The following TIPRL variants were observed in gnomAD, a reference collection of about 807,000 sequenced individuals.
TIPRL encodes TIP41-like protein.
TIPRL carries 10 observed loss-of-function variants against 32.3 expected under a neutral mutation model. The observed-to-expected ratio is 0.31, with a 90% CI of 0.19 to 0.52. The LOEUF (loss-of-function observed/expected upper bound fraction) is 0.52. Among genes scored for constraint, TIPRL ranks in the 20% least tolerant of loss-of-function variants. The pLI, the probability that TIPRL is intolerant of heterozygous loss-of-function variation, is 0.96. For synonymous variants in TIPRL, 100 were observed against 114.0 expected (o/e 0.88, Z 0.78); for missense variants, 250 against 328.1 (o/e 0.76, Z 1.84).
chr1:168,197,984 G>C (rs1700175944), intron 5 of TIPRL, among the ~76,000 whole-genome samples: 1 of 152,108 alleles, frequency 6.6e-6, no homozygotes, highest in Non-Finnish European at 1.5e-5. Context: ...TATAATAGCA[G>C]AAAGGAAGGA....
rs1442983602 is a variant in TIPRL, at chr1:168,201,214, C to G, written c.*1168C>G. The G allele has an allele frequency of 6.6e-6, 1 of 152,008 alleles. No homozygotes were observed. Among genetic ancestry groups the G allele is most frequent in the Non-Finnish European group, 1.5e-5 (1 of 67,966 alleles). The allele number at this position is 152,008 out of a possible 1,614,324, so 9.4% of individuals were successfully genotyped here. On this transcript the variant is annotated 3_prime_UTR_variant, in exon 7 of 7. Coordinates refer to ENST00000367833, the MANE Select transcript of TIPRL (RefSeq NM_152902.5). ...AAAAGCATCAAATAAGAAATTATTTCAAGTGGATTTTTAAAAATATTTTTT... is the reference window on the plus strand; with the variant it reads ...AAAAGCATCAAATAAGAAATTATTTGAAGTGGATTTTTAAAAATATTTTTT...
At chr1:168,198,051 G>A (rs1022432198) in intron 5 of TIPRL, among the ~76,000 whole-genome samples, 15 of 151,824 alleles carry the variant, frequency 9.9e-5, no homozygotes, top group Non-Finnish European at 1.8e-4. Context: ...ATATCCATAT[G>A]GTATAAAATA....
intron 4 of TIPRL, among the ~76,000 whole-genome samples, chr1:168,195,193 C>T (rs1700138754): frequency 6.6e-6 from 1 of 152,136 alleles, no homozygotes; most frequent in Non-Finnish European, 1.5e-5. Context: ...ATTAATGTAG[C>T]CCTGTGCTTA....
At chr1:168,185,462 T>G (rs943106997) in intron 3 of TIPRL, among the ~76,000 whole-genome samples, 1 of 152,168 alleles carries the variant, frequency 6.6e-6, no homozygotes, top group Non-Finnish European at 1.5e-5. Flanking sequence ...AAGTCCTGTG[T>G]GTGTAAGCCC....
At chr1:168,191,343 C>A in intron 3 of TIPRL, 26 bp from the exon 4 acceptor site, 2 of 1,508,566 alleles carry the variant, frequency 1.3e-6, no homozygotes, top group Non-Finnish European at 1.8e-6. Flanking sequence ...TTTTAATGTG[C>A]TCCTCTTTAA....
intron 4 of TIPRL, among the ~76,000 whole-genome samples, chr1:168,192,576 A>G (rs1700111861): frequency 6.6e-6 from 1 of 152,238 alleles, no homozygotes; most frequent in Non-Finnish European, 1.5e-5. Flanking sequence ...ACAGAGTTAA[A>G]TATCTCTTTT....
intron 1 of TIPRL, 89 bp downstream of exon 1, chr1:168,179,270 T>TTCCCTGAGGCGGAGGTTCGG (rs1699930689): frequency 1.5e-5 from 17 of 1,170,290 alleles, no homozygotes; most frequent in Non-Finnish European, 2.1e-5. Flanking sequence ...CCCTCCCCTT[T>TTCCCTGAGGCGGAGGTTCGG]TCCCTGAGGC....
At chr1:168,181,201 T>G (rs1699958127) in intron 1 of TIPRL, among the ~76,000 whole-genome samples, 1 of 151,632 alleles carries the variant, frequency 6.6e-6, no homozygotes, top group African/African-American at 2.4e-5. Context: ...TCTTTTCTTT[T>G]TTTCTTATTC....
intron 1 of TIPRL, 70 bp from the exon 2 acceptor site, chr1:168,183,832 G>A (rs1699995735): frequency 2.7e-6 from 4 of 1,491,716 alleles, no homozygotes; most frequent in Non-Finnish European, 3.7e-6. Context: ...GAATTCTGTT[G>A]GGATGGAAAA....
At chr1:168,196,679 C>T (rs1700156452) in intron 5 of TIPRL, 37 bp downstream of exon 5, 2 of 1,416,102 alleles carry the variant, frequency 1.4e-6, no homozygotes, top group South Asian at 1.3e-5. Context: ...CTAATTGATA[C>T]TGGGCTTGTT....
At chr1:168,189,308 G>T (rs961109074) in intron 3 of TIPRL, among the ~76,000 whole-genome samples, 1 of 152,124 alleles carries the variant, frequency 6.6e-6, no homozygotes, top group East Asian at 1.9e-4. Flanking sequence ...CATCAAGAAG[G>T]TTTGTCTAGA....
At chr1:168,179,280 C>A in intron 1 of TIPRL, 99 bp downstream of exon 1, 1 of 1,043,792 alleles carries the variant, frequency 9.6e-7, no homozygotes, top group Non-Finnish European at 1.4e-6. Context: ...TTCCCTGAGG[C>A]GGAGGTTCGG....
At chr1:168,197,035 C>T (rs35244138) in intron 5 of TIPRL, among the ~76,000 whole-genome samples, 19,355 of 152,136 alleles carry the variant, frequency 0.13, 1,814 homozygotes, top group Admixed American at 0.32. Flanking sequence ...AGGCCAAGGC[C>T]GGGCGCCGTA....
intron 4 of TIPRL, among the ~76,000 whole-genome samples, chr1:168,191,858 CAAAAAAAAAAA>C (rs60988834): frequency 1.3e-4 from 5 of 38,902 alleles, no homozygotes; most frequent in African/African-American, 4.1e-4. Context: ...GGCGACAGAG[CAAAAAAAAAAA>C]AAAAAAAAAA....
intron 2 of TIPRL, 56 bp downstream of exon 2, chr1:168,184,137 GA>G (rs1348706258): frequency 2.7e-6 from 4 of 1,467,514 alleles, no homozygotes; most frequent in Non-Finnish European, 3.7e-6. Flanking sequence ...AAACAAAAGA[GA>G]AAAGACTTGA....
chr1:168,200,707 G>A lies in TIPRL; in HGVS notation c.*661G>A, dbSNP rs1700200243. The A allele has an allele frequency of 5.9e-5, 9 of 152,092 alleles. No homozygotes were observed. The highest frequency in any genetic ancestry group is 5.9e-4 in the Admixed American group (9 of 15,272). The allele number at this position is 152,092 out of a possible 1,614,324, so 9.4% of individuals were successfully genotyped here. A position where few individuals can be genotyped will look rare whatever the true frequency, so the allele number is the denominator to read the frequency against. Reference sequence around the variant, plus strand: ...AAACATGAATATGGTTTACCACTGTGTGTGTGTAGGATGTTAGAATTATCT... The same window carrying A: ...AAACATGAATATGGTTTACCACTGTATGTGTGTAGGATGTTAGAATTATCT... On this transcript the variant is annotated 3_prime_UTR_variant, in exon 7 of 7. Transcript: ENST00000367833.
intron 4 of TIPRL, among the ~76,000 whole-genome samples, chr1:168,194,484 C>G (rs987475170): frequency 5.3e-5 from 8 of 152,230 alleles, no homozygotes; most frequent in Admixed American, 5.2e-4. Context: ...TTTCAGTTTA[C>G]TGCCTGTGTT....
chr1:168,198,978 G>C lies in TIPRL; in HGVS notation c.672G>C (p.Leu224Phe). ...YTSRESKISS[L>F]MHVPPSLFTE... ...CACGAGAAAGCAAAATTTCTAGTTT[G>C]ATGGCAAGTACTTAAATTTCAGTTT... The change falls in exon 6 of 7, where the codon TTG (leucine) becomes TTC (phenylalanine). Residue 224 changes from leucine (L) to phenylalanine (F), a missense_variant. Coordinates refer to ENST00000367833, the MANE Select transcript of TIPRL (RefSeq NM_152902.5). 6.2e-7 allele frequency: 1 copy of C among 1,609,582 alleles called. No individual in the cohort carries two copies. Among genetic ancestry groups the C allele is most frequent in the Non-Finnish European group, 8.5e-7 (1 of 1,176,796 alleles).
At chr1:168,195,991 T>A (rs1160781321) in intron 4 of TIPRL, among the ~76,000 whole-genome samples, 1 of 152,252 alleles carries the variant, frequency 6.6e-6, no homozygotes, top group Non-Finnish European at 1.5e-5. Context: ...GTAGTTATAC[T>A]TGGAAAGCAG....
Sources: allele counts gnomAD v4.1 joint callset (sites outside exome capture counted in the v4.1 genomes callset), GRCh38; gene constraint gnomAD v4.1.1; transcripts MANE v1.5; gene names NCBI Gene and HGNC (gene_info 2026-07-23, HGNC 2026-07-21).